ACTG2: variants seen among roughly 807,000 people sequenced by gnomAD.
The protein encoded by ACTG2 is actin gamma 2, smooth muscle, also known as actin, gamma-enteric smooth muscle.
A neutral mutation model predicts 37.6 loss-of-function variants in ACTG2; 16 were observed. The observed-to-expected ratio is 0.43, with a 90% confidence interval of 0.29 to 0.65. The LOEUF (loss-of-function observed/expected upper bound fraction) is 0.65. ACTG2 is among the 30% of genes least tolerant of loss of function. The probability of loss-of-function intolerance (pLI) is 0.18; values close to 1 mark genes in which losing one functional copy is unlikely to be tolerated. For missense variants in ACTG2, 238 were observed against 490.9 expected, an observed-to-expected ratio of 0.48 and a Z score of 4.87; for synonymous variants, 181 against 179.9, an observed-to-expected ratio of 1.01 and a Z score of -0.05.
At chr2:73,914,901 C>G in intron 7 of ACTG2, 30 bp downstream of exon 7, 1 of 1,493,148 alleles carries the variant, frequency 6.7e-7, no homozygotes, top group Non-Finnish European at 9.0e-7. Context: ...CCCTGCCAAT[C>G]TCAGGAGGGG....
intron 1 of ACTG2, among the ~76,000 whole-genome samples, chr2:73,898,802 CTTTTT>C (rs1165118275): frequency 5.4e-5 from 5 of 93,050 alleles, no homozygotes; most frequent in Non-Finnish European, 9.7e-5. Flanking sequence ...TTTTTTTTTT[CTTTTT>C]TTTTTTTTTT....
At chr2:73,901,508 T>G in intron 2 of ACTG2, 71 bp downstream of exon 2, 1 of 1,415,368 alleles carries the variant, frequency 7.1e-7, no homozygotes, top group Non-Finnish European at 9.3e-7. Flanking sequence ...GAGACCCTGC[T>G]GAGCTGGGGG....
chr2:73,918,032 G>A (rs1680307439), intron 8 of ACTG2, among the ~76,000 whole-genome samples: 1 of 152,212 alleles, frequency 6.6e-6, no homozygotes, highest in Non-Finnish European at 1.5e-5. Flanking sequence ...GACTTAAACA[G>A]TACGTGCCAG....
At chr2:73,904,930 G>A (rs866698356) in intron 3 of ACTG2, among the ~76,000 whole-genome samples, 3 of 150,626 alleles carry the variant, frequency 2.0e-5, no homozygotes, top group African/African-American at 7.3e-5. Flanking sequence ...TCTAAAGTAT[G>A]TTTGCAGAAA....
chr2:73,898,791 C>CTTTT (rs1183989476), intron 1 of ACTG2, among the ~76,000 whole-genome samples: 2 of 92,914 alleles, frequency 2.2e-5, no homozygotes, highest in Non-Finnish European at 5.0e-5. Context: ...TTTTTCTTTT[C>CTTTT]TTTTTTTTTT....
At chr2:73,904,867 C>T (rs2104811052) in intron 3 of ACTG2, among the ~76,000 whole-genome samples, 1 of 144,484 alleles carries the variant, frequency 6.9e-6, no homozygotes, top group South Asian at 2.2e-4. Flanking sequence ...GTCAAATGTC[C>T]TCAAATTAAT....
Position 73,918,268 on chromosome 2 carries a change from G to A in ACTG2, c.988-1164G>A, listed in dbSNP as rs149577221. 5.3e-5 allele frequency among the ~76,000 whole-genome samples: 8 copies of A among 152,238 alleles called. No homozygotes were observed. The East Asian group carries it at 5.8e-4, about 11-fold the overall frequency. On this transcript the variant is annotated intron_variant, in intron 8 of 8. Transcript: ENST00000345517. ...CAAGGACACAGAAGAACAGATTTGGGGTGGGGGTAGGGCTTATATTTAGGA... is the reference window on the plus strand; with the variant it reads ...CAAGGACACAGAAGAACAGATTTGGAGTGGGGGTAGGGCTTATATTTAGGA...
Position 73,919,429 on chromosome 2 carries a change from C to T in ACTG2, c.988-3C>T, listed in dbSNP as rs112697355. ...CATGATTCACCACATTTGTTCTTTG[C>T]AGATTATTGCTCCCCCAGAGCGGAA... On this transcript the variant is annotated splice_polypyrimidine_tract_variant and splice_region_variant and intron_variant, in intron 8 of 8. Coordinates refer to ENST00000345517, the MANE Select transcript of ACTG2 (RefSeq NM_001615.4). 55 of 1,612,734 alleles carry T rather than the reference C, an allele frequency of 3.4e-5. No individual in the cohort carries two copies. Among genetic ancestry groups the T allele is most frequent in the Non-Finnish European group, 4.7e-5 (55 of 1,179,794 alleles).
At chr2:73,898,566 T>G (rs1461671530) in intron 1 of ACTG2, among the ~76,000 whole-genome samples, 1 of 151,588 alleles carries the variant, frequency 6.6e-6, no homozygotes, top group Non-Finnish European at 1.5e-5. Flanking sequence ...AGAATAAGTA[T>G]TTTCAAATTC....
At chr2:73,901,476 T>C (rs764300189) in intron 2 of ACTG2, 39 bp downstream of exon 2, 10 of 1,611,128 alleles carry the variant, frequency 6.2e-6, no homozygotes, top group Non-Finnish European at 8.5e-6. Context: ...TTTGAGCCAC[T>C]AGGAGTAAGC....
chr2:73,919,607 A>G lies in ACTG2; in HGVS notation c.*32A>G. 1 of 1,606,932 alleles carries G rather than the reference A, an allele frequency of 6.2e-7. No homozygotes were observed. The highest frequency in any genetic ancestry group is 1.7e-5 in the Admixed American group (1 of 58,948). On this transcript the variant is annotated 3_prime_UTR_variant, in exon 9 of 9. Coordinates refer to ENST00000345517, the MANE Select transcript of ACTG2 (RefSeq NM_001615.4). ...AACAGGTTCTCCAAGGATCCCCTCG[A>G]GACTACTCTGTTACCAGTCATGAAA... is the stretch of plus-strand genomic sequence containing the variant.
rs777916613 is a variant in ACTG2, at chr2:73,908,572, C to G, written c.256-101C>G. 3 of 991,582 alleles carry G rather than the reference C, an allele frequency of 3.0e-6. No homozygotes were observed. The East Asian group carries it at 7.6e-5, about 25-fold the overall frequency. The allele number at this position is 991,582 out of a possible 1,614,324, so 61.4% of individuals were successfully genotyped here. The stretch of plus-strand genomic sequence containing the variant: ...TTCTCCTCTCCAGATCCATCCCATC[C>G]TGTGTAACATGGTGCCACACTCTCC... On this transcript the variant is annotated intron_variant, in intron 3 of 8. Coordinates refer to ENST00000345517, the MANE Select transcript of ACTG2 (RefSeq NM_001615.4).
chr2:73,898,031 G>C (rs1243273601), intron 1 of ACTG2, among the ~76,000 whole-genome samples: 1 of 152,206 alleles, frequency 6.6e-6, no homozygotes, highest in Admixed American at 6.5e-5. Context: ...AGGTGCTGGG[G>C]CTGTAAAAAG....
At chr2:73,908,578 AACATGGTGCCAC>A in intron 3 of ACTG2, 83 bp from the exon 4 acceptor site, 1 of 1,054,116 alleles carries the variant, frequency 9.5e-7, no homozygotes. Context: ...CATCCTGTGT[AACATGGTGCCAC>A]ACTCTCCCAG....
intron 1 of ACTG2, among the ~76,000 whole-genome samples, chr2:73,899,769 A>G (rs1267116655): frequency 1.3e-5 from 2 of 152,158 alleles, no homozygotes; most frequent in East Asian, 3.8e-4. Flanking sequence ...GGGATATCCT[A>G]TTCTGGACCT....
chr2:73,918,974 G>A (rs892781215), intron 8 of ACTG2, among the ~76,000 whole-genome samples: 3 of 152,214 alleles, frequency 2.0e-5, no homozygotes, highest in Admixed American at 1.3e-4. Flanking sequence ...TCACCTGGAA[G>A]TTAGCTGATC....
chr2:73,900,843 T>C (rs1159968226), intron 1 of ACTG2, among the ~76,000 whole-genome samples: 1 of 152,168 alleles, frequency 6.6e-6, no homozygotes. Context: ...AACTTTTAGC[T>C]TCTTTCTTTG....
chr2:73,910,009 G>C (rs1169354948), intron 5 of ACTG2, among the ~76,000 whole-genome samples: 1 of 152,152 alleles, frequency 6.6e-6, no homozygotes, highest in Non-Finnish European at 1.5e-5. Context: ...GAGGTCAGGA[G>C]TTCCAGACCA....
chr2:73,897,575 A>G (rs1679777715), intron 1 of ACTG2, among the ~76,000 whole-genome samples: 2 of 152,192 alleles, frequency 1.3e-5, no homozygotes, highest in South Asian at 4.1e-4. Context: ...GGCAGAGCAC[A>G]CCAGGTCTGG....
Sources: gnomAD v4.1 joint callset for allele counts (sites outside exome capture counted in the v4.1 genomes callset) on GRCh38, gnomAD v4.1.1 for gene constraint, MANE v1.5 for transcripts, NCBI Gene and HGNC (gene_info 2026-07-23, HGNC 2026-07-21) for gene names.